The following RPH3A variants were observed in gnomAD, a reference collection of about 807,000 sequenced individuals.
RPH3A encodes rabphilin 3A.
RPH3A carries 48 observed loss-of-function variants against 102.2 expected under a neutral mutation model. That is an observed-to-expected ratio of 0.47 (90% confidence interval 0.37 to 0.60). The LOEUF (loss-of-function observed/expected upper bound fraction) is 0.60, where lower values mean the gene tolerates loss of function less well. RPH3A is among the 20% of genes least tolerant of loss of function. RPH3A has a pLI of 0.00. For synonymous variants in RPH3A, 310 were observed against 324.3 expected (o/e 0.96, Z 0.47); for missense variants, 781 against 910.1 (o/e 0.86, Z 1.83).
At position 112,898,447 on chromosome 12, in the gene RPH3A, C is replaced by T. The variant is rs1344637674; in HGVS notation, c.*1667C>T. 2 of 152,208 alleles carry T rather than the reference C, an allele frequency of 1.3e-5. No homozygotes were observed. Among genetic ancestry groups the T allele is most frequent in the African/African-American group, 2.4e-5 (1 of 41,438 alleles). The allele number at this position is 152,208 out of a possible 1,614,324, so 9.4% of individuals were successfully genotyped here. ...CCCCAAATCACATCTCTTAACTTTTCAACGCCCTCCACCCTCAGCTCCCTG... is the reference window on the plus strand; with the variant it reads ...CCCCAAATCACATCTCTTAACTTTTTAACGCCCTCCACCCTCAGCTCCCTG... On this transcript the variant is annotated 3_prime_UTR_variant, in exon 22 of 22. Coordinates refer to ENST00000389385, the MANE Select transcript of RPH3A (RefSeq NM_001143854.2).
chr12:112,707,503 C>T (rs2040433972), intron 1 of RPH3A, among the ~76,000 whole-genome samples: 1 of 152,168 alleles, frequency 6.6e-6, no homozygotes, highest in South Asian at 2.1e-4. Flanking sequence ...GGATTTAAAC[C>T]CAGATCAGTC....
At chr12:112,842,819 G>T (rs574390294) in intron 4 of RPH3A, among the ~76,000 whole-genome samples, 1 of 152,338 alleles carries the variant, frequency 6.6e-6, no homozygotes, top group African/African-American at 2.4e-5. Flanking sequence ...CATTTGGCAT[G>T]CACTTTCACA....
chr12:112,867,706 G>T (rs1232248682), intron 7 of RPH3A, among the ~76,000 whole-genome samples: 1 of 152,188 alleles, frequency 6.6e-6, no homozygotes, highest in Non-Finnish European at 1.5e-5. Flanking sequence ...AACTAGCAGT[G>T]GGTTGGGGGG....
intron 1 of RPH3A, among the ~76,000 whole-genome samples, chr12:112,770,402 G>C (rs2136071977): frequency 6.6e-6 from 1 of 152,092 alleles, no homozygotes; most frequent in East Asian, 1.9e-4. Context: ...CTGGAGTGCA[G>C]TGGCGAGATC....
chr12:112,761,553 G>C (rs2040855346), intron 1 of RPH3A, among the ~76,000 whole-genome samples: 1 of 152,264 alleles, frequency 6.6e-6, no homozygotes, highest in African/African-American at 2.4e-5. Context: ...GTCCAGGAAA[G>C]ACTGGGAGTG....
chr12:112,715,427 C>T (rs1043646451), intron 1 of RPH3A, among the ~76,000 whole-genome samples: 1 of 152,230 alleles, frequency 6.6e-6, no homozygotes. Context: ...TTTCCTCTAC[C>T]CCTCTCCACT....
chr12:112,865,944 G>A (rs1237552185), intron 6 of RPH3A, among the ~76,000 whole-genome samples: 1 of 152,188 alleles, frequency 6.6e-6, no homozygotes. Context: ...CGTATCCTGG[G>A]TTCTGATACA....
rs1565882471 is a variant in RPH3A, at chr12:112,791,901, A to AGAGAGAGAGACT, written c.-247_-246insGAGAGACTGAGA. 1 of 150,932 alleles carries AGAGAGAGAGACT rather than the reference A, an allele frequency of 6.6e-6. No homozygotes were observed. Among genetic ancestry groups the AGAGAGAGAGACT allele is most frequent in the African/African-American group, 2.5e-5 (1 of 40,658 alleles). The allele number at this position is 150,932 out of a possible 1,614,324, so 9.3% of individuals were successfully genotyped here. On this transcript the variant is annotated 5_prime_UTR_variant, in exon 1 of 22. Coordinates refer to ENST00000389385, the MANE Select transcript of RPH3A (RefSeq NM_001143854.2). Reference sequence around the variant, plus strand: ...GAGAGAGAGAGAGAGAGAGAGAGAGAGAGACTCACAGAGCTAAAACCTTCA... The same window carrying AGAGAGAGAGACT: ...GAGAGAGAGAGAGAGAGAGAGAGAGAGAGAGAGAGACTGAGACTCACAGAGCTAAAACCTTCA...
chr12:112,606,515 G>T (rs2135971708), intron 1 of RPH3A, among the ~76,000 whole-genome samples: 1 of 152,182 alleles, frequency 6.6e-6, no homozygotes, highest in East Asian at 1.9e-4. Context: ...CTGAGTAGCT[G>T]GGATTACAGT....
chr12:112,755,795 T>A (rs2040819408), intron 1 of RPH3A, among the ~76,000 whole-genome samples: 1 of 152,130 alleles, frequency 6.6e-6, no homozygotes, highest in Non-Finnish European at 1.5e-5. Flanking sequence ...AGCTCTCAGA[T>A]CTATGAGCAT....
chr12:112,724,025 T>G (rs976475542), intron 1 of RPH3A, among the ~76,000 whole-genome samples: 1 of 151,730 alleles, frequency 6.6e-6, no homozygotes, highest in South Asian at 2.1e-4. Context: ...AATTATGACA[T>G]ACTTAACTTT....
rs768775807 is a variant in RPH3A at position 112,785,154 on chromosome 12, G to A, written c.-139-6989G>A. 3.9e-5 allele frequency among the ~76,000 whole-genome samples: 6 copies of A among 152,056 alleles called. No homozygotes were observed. In the East Asian group the frequency reaches 7.7e-4, roughly 20 times the overall value. On this transcript the variant is annotated intron_variant, in intron 1 of 21. Coordinates refer to the RPH3A transcript ENST00000543106. The stretch of plus-strand genomic sequence containing the variant: ...GGAGAATCACTTGAACCCAGGAGGC[G>A]GAGTTTGCAGTGAGCCGAGATTGCG...
intron 1 of RPH3A, among the ~76,000 whole-genome samples, chr12:112,586,826 G>T (rs2039442515): frequency 1.3e-5 from 2 of 152,172 alleles, no homozygotes; most frequent in Admixed American, 1.3e-4. Flanking sequence ...TGAGGATTTG[G>T]ACCTCAGGGT....
At chr12:112,591,177 C>T (rs2039475361) in intron 1 of RPH3A, among the ~76,000 whole-genome samples, 1 of 151,670 alleles carries the variant, frequency 6.6e-6, no homozygotes, top group African/African-American at 2.4e-5. Flanking sequence ...GCGTCAAACT[C>T]CTGGGCTCAA....
At chr12:112,720,143 C>T (rs1293946691) in intron 1 of RPH3A, among the ~76,000 whole-genome samples, 1 of 152,234 alleles carries the variant, frequency 6.6e-6, no homozygotes, top group African/African-American at 2.4e-5. Context: ...GTCTCCTCCC[C>T]ATGATTGGCA....
chr12:112,805,689 C>T (rs1257754550), intron 2 of RPH3A, among the ~76,000 whole-genome samples: 2 of 152,116 alleles, frequency 1.3e-5, no homozygotes, highest in African/African-American at 2.4e-5. Context: ...GCCAAATGCA[C>T]GTTAGGGGGC....
At chr12:112,742,144 G>A (rs2040713414) in intron 1 of RPH3A, among the ~76,000 whole-genome samples, 1 of 152,138 alleles carries the variant, frequency 6.6e-6, no homozygotes. Flanking sequence ...AGAGTTGAAA[G>A]TCCAAGCGAG....
At chr12:112,891,325 T>G in intron 19 of RPH3A, 1 of 276,630 alleles carries the variant, frequency 3.6e-6, no homozygotes, top group Middle Eastern at 1.1e-3. Flanking sequence ...CGCACACCCC[T>G]CGGACCGCTC....
chr12:112,797,959 G>T (rs180925030), intron 2 of RPH3A, among the ~76,000 whole-genome samples: 2 of 152,306 alleles, frequency 1.3e-5, no homozygotes, highest in Admixed American at 1.3e-4. Context: ...GAAGTGCTGG[G>T]ATTCCAGCCG....
Sources: gnomAD v4.1 joint callset for allele counts (sites outside exome capture counted in the v4.1 genomes callset) on GRCh38, gnomAD v4.1.1 for gene constraint, MANE v1.5 for transcripts, NCBI Gene and HGNC (gene_info 2026-07-23, HGNC 2026-07-21) for gene names.